The following UGT2B7 variants were observed in gnomAD, a reference collection of about 807,000 sequenced individuals.
UGT2B7 encodes the protein UDP-glucuronosyltransferase 2B7.
UGT2B7 carries 51 observed loss-of-function variants against 51.9 expected under a neutral mutation model. The observed-to-expected ratio is 0.98, with a 90% CI of 0.78 to 1.24. The LOEUF (loss-of-function observed/expected upper bound fraction) is 1.24. Ranked by LOEUF, UGT2B7 falls within the 50% of genes most tolerant of loss-of-function variation. The pLI, the probability that UGT2B7 is intolerant of heterozygous loss-of-function variation, is 0.00. For missense variants in UGT2B7, 727 were observed against 628.4 expected, an observed-to-expected ratio of 1.16 and a Z score of -1.68; for synonymous variants, 225 against 211.6, an observed-to-expected ratio of 1.06 and a Z score of -0.55.
At chr4:69,066,773 G>T (rs1235385486) in intron 1 of UGT2B7, among the ~76,000 whole-genome samples, 3 of 151,776 alleles carry the variant, frequency 2.0e-5, no homozygotes, top group African/African-American at 7.3e-5. Context: ...TAATTTTCTG[G>T]GTTGTCTGTC....
chr4:69,055,024 G>C lies in UGT2B7; in HGVS notation c.-159+3422G>C, dbSNP rs79013872. Among the ~76,000 whole-genome samples the C allele has an allele frequency of 2.8e-5, 4 of 143,352 alleles. No individual in the cohort carries two copies. The East Asian group carries it at 6.5e-4, about 23-fold the overall frequency. The allele number at this position is 143,352 out of a possible 152,430, so 94.0% of individuals were successfully genotyped here. A position where few individuals can be genotyped will look rare whatever the true frequency, so the allele number is the denominator to read the frequency against. ...ATCCAGGAAGTGACCAGCCTGATGCGTGTTATGACTCACTGTAAGCCTCCC... is the reference window on the plus strand; with the variant it reads ...ATCCAGGAAGTGACCAGCCTGATGCCTGTTATGACTCACTGTAAGCCTCCC... On this transcript the variant is annotated intron_variant, in intron 1 of 5. Transcript: ENST00000502942.
chr4:69,107,986 C>T, intron 4 of UGT2B7, 117 bp from the exon 5 acceptor site: 1 of 1,356,688 alleles, frequency 7.4e-7, no homozygotes, highest in Non-Finnish European at 1.0e-6. Flanking sequence ...AAGTCTGAAA[C>T]ACAATTTTAA....
At chr4:69,060,356 C>A (rs1168423980) in intron 1 of UGT2B7, among the ~76,000 whole-genome samples, 1 of 152,164 alleles carries the variant, frequency 6.6e-6, no homozygotes, top group East Asian at 1.9e-4. Flanking sequence ...AAGAGAGTTC[C>A]TAGGGCCAGC....
chr4:69,105,290 G>T (rs559659801), intron 3 of UGT2B7, among the ~76,000 whole-genome samples: 2 of 152,278 alleles, frequency 1.3e-5, no homozygotes, highest in South Asian at 4.1e-4. Context: ...CTTTTATATA[G>T]AATAAGCCAG....
chr4:69,088,839 G>C (rs1163047892), intron 1 of UGT2B7, among the ~76,000 whole-genome samples: 1 of 152,088 alleles, frequency 6.6e-6, no homozygotes, highest in African/African-American at 2.4e-5. Context: ...AAACCAAAAA[G>C]ATTCACAGAT....
chr4:69,094,129 CTTTTTTTTTTTTTTTT>C (rs71204074), upstream of UGT2B7, among the ~76,000 whole-genome samples: 7 of 54,116 alleles, frequency 1.3e-4, 3 homozygotes, highest in Non-Finnish European at 2.2e-4. Flanking sequence ...GTTTTGGTTT[CTTTTTTTTTTTTTTTT>C]TTTTTTTTTT....
chr4:69,057,575 C>G (rs1003111206), intron 1 of UGT2B7, among the ~76,000 whole-genome samples: 62 of 152,276 alleles, frequency 4.1e-4, no homozygotes, highest in African/African-American at 1.5e-3. Flanking sequence ...GGGATATTTG[C>G]ACATCCATAT....
Position 69,084,581 on chromosome 4 carries a change from C to T in UGT2B7, c.-158-4891C>T, listed in dbSNP as rs1325798619. On this transcript the variant is annotated intron_variant, in intron 1 of 5. Transcript: ENST00000502942. ...AGTCTCCTAGGTTTTAAGCCACACA[C>T]GAATTAGGTATTTGTCCTAATGCTC... Among the ~76,000 whole-genome samples the T allele has an allele frequency of 2.6e-5, 4 of 151,722 alleles. No homozygotes were observed. The South Asian group carries it at 6.2e-4, about 24-fold the overall frequency.
chr4:69,098,190 G>A (rs781097748), intron 1 of UGT2B7, among the ~76,000 whole-genome samples: 22 of 152,066 alleles, frequency 1.4e-4, no homozygotes, highest in Admixed American at 3.3e-4. Context: ...TCAAAGAGTT[G>A]TTTAAATGTC....
intron 1 of UGT2B7, among the ~76,000 whole-genome samples, chr4:69,053,919 G>T (rs1301303090): frequency 1.3e-5 from 2 of 152,078 alleles, no homozygotes; most frequent in Non-Finnish European, 1.5e-5. Context: ...AGGAAGAAAA[G>T]AAAATAATAA....
chr4:69,103,023 TAA>T, intron 3 of UGT2B7, 85 bp downstream of exon 3: 1 of 1,550,090 alleles, frequency 6.5e-7, no homozygotes, highest in Non-Finnish European at 8.7e-7. Flanking sequence ...AAACTTCTGA[TAA>T]ATGTGAAGTT....
chr4:69,105,082 G>T (rs1304191562), intron 3 of UGT2B7, among the ~76,000 whole-genome samples: 1 of 152,128 alleles, frequency 6.6e-6, no homozygotes, highest in African/African-American at 2.4e-5. Flanking sequence ...AGATGAAAGG[G>T]TGGAGATGGA....
At chr4:69,074,110 T>C (rs551481164) in intron 1 of UGT2B7, among the ~76,000 whole-genome samples, 1 of 152,226 alleles carries the variant, frequency 6.6e-6, no homozygotes, top group South Asian at 2.1e-4. Flanking sequence ...TTTGGGATGT[T>C]GAAATGGGAG....
chr4:69,055,318 A>ATT (rs1718159978), intron 1 of UGT2B7, among the ~76,000 whole-genome samples: 1 of 151,070 alleles, frequency 6.6e-6, no homozygotes, highest in Non-Finnish European at 1.5e-5. Flanking sequence ...CTACTTAAAA[A>ATT]AAGATAAAAA....
At chr4:69,063,306 G>A (rs111503495) in intron 1 of UGT2B7, among the ~76,000 whole-genome samples, 52,175 of 113,558 alleles carry the variant, frequency 0.46, 12,118 homozygotes, top group African/African-American at 0.66. Flanking sequence ...GCGACAGAGC[G>A]AGACTCCGTC....
rs12233719 is a variant in UGT2B7 at position 69,096,731 on chromosome 4, G to T, written c.211G>T (p.Ala71Ser). The T allele has an allele frequency of 5.6e-3, 9,034 of 1,613,916 alleles. 560 individuals carry two copies. The East Asian group carries it at 0.15, about 27-fold the overall frequency. ...SILFDPNNSS[A>S]LKIEIYPTSL... is the part of the protein sequence containing the mutation. Reference sequence around the variant, plus strand: ...TCTTTTTGATCCCAACAACTCATCCGCTCTTAAAATTGAAATTTATCCCAC... The same window carrying T: ...TCTTTTTGATCCCAACAACTCATCCTCTCTTAAAATTGAAATTTATCCCAC... Residue 71 changes from alanine (A) to serine (S), a missense_variant, in exon 1 of 6, where the codon GCT (alanine) becomes TCT (serine). By Grantham distance (99) the Ala-to-Ser change is moderately conservative. Transcript: ENST00000305231.
intron 3 of UGT2B7, 75 bp downstream of exon 3, chr4:69,103,013 A>AAACT: frequency 6.4e-7 from 1 of 1,561,716 alleles, no homozygotes; most frequent in Non-Finnish European, 8.6e-7. Flanking sequence ...CCAATTATAG[A>AAACT]AACTTCTGAT....
At chr4:69,098,484 T>C in intron 1 of UGT2B7, 56 bp from the exon 2 acceptor site, 7 of 1,568,542 alleles carry the variant, frequency 4.5e-6, no homozygotes, top group Non-Finnish European at 6.0e-6. Context: ...CTTTCAGAAA[T>C]TTACCTAAAG....
At chr4:69,088,652 C>G (rs1305748622) in intron 1 of UGT2B7, among the ~76,000 whole-genome samples, 1 of 152,098 alleles carries the variant, frequency 6.6e-6, no homozygotes, top group Admixed American at 6.6e-5. Flanking sequence ...TGTTATGGAA[C>G]TGGTCAGACT....
Sources: gnomAD v4.1 joint callset for allele counts (sites outside exome capture counted in the v4.1 genomes callset) on GRCh38, gnomAD v4.1.1 for gene constraint, MANE v1.5 for transcripts, NCBI Gene and HGNC (gene_info 2026-07-23, HGNC 2026-07-21) for gene names.